The following TBCD variants were observed in gnomAD, a reference collection of about 807,000 sequenced individuals.
TBCD encodes tubulin folding cofactor D.
TBCD carries 105 observed loss-of-function variants against 169.3 expected under a neutral mutation model. The ratio of observed to expected loss-of-function variants is 0.62; its 90% CI spans 0.53 to 0.73. The LOEUF (loss-of-function observed/expected upper bound fraction) is 0.73. Ranked by LOEUF, TBCD falls within the 30% of genes least tolerant of loss-of-function variation. TBCD has a pLI of 0.00. For synonymous variants in TBCD, 700 were observed against 643.9 expected (o/e 1.09, Z -1.32); for missense variants, 1,444 against 1,600.1 (o/e 0.90, Z 1.66).
intron 15 of TBCD, among the ~76,000 whole-genome samples, chr17:82,887,921 T>C (rs1432485724): frequency 6.6e-6 from 1 of 152,226 alleles, no homozygotes; most frequent in Non-Finnish European, 1.5e-5. Flanking sequence ...GGTCTTTTAC[T>C]CATTTCTAAG....
intron 32 of TBCD, 133 bp downstream of exon 32, chr17:82,929,633 T>A: frequency 7.6e-7 from 1 of 1,312,252 alleles, no homozygotes; most frequent in Non-Finnish European, 1.1e-6. Flanking sequence ...CATATTTGGT[T>A]AGGGGGTCAG....
chr17:82,767,016 G>A (rs982767354), intron 4 of TBCD, among the ~76,000 whole-genome samples: 23 of 152,240 alleles, frequency 1.5e-4, no homozygotes, highest in African/African-American at 4.8e-4. Context: ...CCCCCAGCAG[G>A]AAAGCAGGTG....
chr17:82,912,642 G>A (rs2060727311), intron 23 of TBCD, among the ~76,000 whole-genome samples: 1 of 151,472 alleles, frequency 6.6e-6, no homozygotes, highest in Non-Finnish European at 1.5e-5. Context: ...GCAGACTTTT[G>A]CTGAGGTCTG....
intron 14 of TBCD, among the ~76,000 whole-genome samples, chr17:82,870,937 G>C (rs2057513218): frequency 6.6e-6 from 1 of 152,268 alleles, no homozygotes; most frequent in Non-Finnish European, 1.5e-5. Flanking sequence ...GCACTTGAGA[G>C]AATGTTCAGT....
At chr17:82,895,898 T>TG (rs2059442370) in intron 17 of TBCD, 1 of 152,072 alleles carries the variant, frequency 6.6e-6, no homozygotes, top group Non-Finnish European at 1.5e-5. Context: ...ACGAGGAGGA[T>TG]GGGGGGACCA....
At chr17:82,788,163 G>A (rs1469392496) in intron 7 of TBCD, among the ~76,000 whole-genome samples, 4 of 152,154 alleles carry the variant, frequency 2.6e-5, no homozygotes, top group Admixed American at 6.6e-5. Flanking sequence ...GCTTGAACCC[G>A]GGAGGTGGAG....
intron 9 of TBCD, among the ~76,000 whole-genome samples, chr17:82,801,590 C>T (rs551408339): frequency 5.1e-4 from 48 of 94,728 alleles, no homozygotes; most frequent in East Asian, 4.1e-3. Flanking sequence ...GCTCGGTCAG[C>T]GTGGCAGGAG....
rs534470369 is a variant in TBCD at position 82,756,223 on chromosome 17, T to C, written c.235+8T>C. 6 of 1,606,980 alleles carry C rather than the reference T, an allele frequency of 3.7e-6. No homozygotes were observed. Among genetic ancestry groups the C allele is most frequent in the Middle Eastern group, 3.3e-4 (2 of 6,058 alleles). On this transcript the variant is annotated splice_region_variant and intron_variant, in intron 2 of 38. Coordinates refer to ENST00000355528, the MANE Select transcript of TBCD (RefSeq NM_005993.5). Reference sequence around the variant, plus strand: ...TGTTGGACCCGCACCTTGGTAAGAATAGAAGCTGCTGATTTTGATCATTCA... The same window carrying C: ...TGTTGGACCCGCACCTTGGTAAGAACAGAAGCTGCTGATTTTGATCATTCA...
intron 15 of TBCD, among the ~76,000 whole-genome samples, chr17:82,887,158 T>TGTGTGTGTGTGC (rs2058778882): frequency 2.8e-5 from 3 of 108,148 alleles, no homozygotes; most frequent in African/African-American, 1.4e-4. Context: ...TGTGTGTGTG[T>TGTGTGTGTGTGC]GTGTGTGTGT....
intron 13 of TBCD, among the ~76,000 whole-genome samples, 167 bp from the exon 14 acceptor site, chr17:82,870,057 G>A (rs1204899119): frequency 6.6e-6 from 1 of 152,202 alleles, no homozygotes; most frequent in Non-Finnish European, 1.5e-5. Flanking sequence ...TGACCAGGCC[G>A]TGGGTCTAAC....
At chr17:82,856,465 A>G (rs978451317) in intron 13 of TBCD, among the ~76,000 whole-genome samples, 2 of 152,060 alleles carry the variant, frequency 1.3e-5, no homozygotes, top group African/African-American at 2.4e-5. Flanking sequence ...GAAAAAAAAC[A>G]GACGCCCCAA....
chr17:82,871,638 A>G (rs1424446601), intron 14 of TBCD, among the ~76,000 whole-genome samples: 2 of 152,224 alleles, frequency 1.3e-5, no homozygotes. Context: ...CTGGAAGTGC[A>G]CTGCTCCTTT....
chr17:82,927,389 GC>G, intron 29 of TBCD, 66 bp downstream of exon 29: 2 of 1,544,796 alleles, frequency 1.3e-6, no homozygotes, highest in Non-Finnish European at 1.7e-6. Context: ...AAACTCGGAG[GC>G]CCCGGGCTTT....
rs2062090436 is a variant in TBCD at position 82,930,282 on chromosome 17, T to C, written c.2992-240T>C. ...GCCTTTCGTCACGTGCTCTCCCGCA[T>C]GTCCTAAGTGAGGGCTCAGGCTGAG... is the stretch of plus-strand genomic sequence containing the variant. On this transcript the variant is annotated intron_variant, in intron 32 of 38. Coordinates refer to ENST00000355528, the MANE Select transcript of TBCD (RefSeq NM_005993.5). The surrounding 1 kb of genome is among the most constrained non-coding windows in gnomAD (Gnocchi z 5.2). The C allele has an allele frequency of 1.5e-5, 8 of 540,500 alleles. No individual in the cohort carries two copies. Among genetic ancestry groups the C allele is most frequent in the Non-Finnish European group, 2.6e-5 (8 of 307,394 alleles). The allele number at this position is 540,500 out of a possible 1,614,324, so 33.5% of individuals were successfully genotyped here.
At chr17:82,855,892 G>A (rs1199488625) in intron 13 of TBCD, among the ~76,000 whole-genome samples, 1 of 151,332 alleles carries the variant, frequency 6.6e-6, no homozygotes, top group Non-Finnish European at 1.5e-5. Flanking sequence ...TGCAATGCGT[G>A]ACCCTTTGTG....
chr17:82,763,724 G>A (rs1220965861), intron 2 of TBCD, among the ~76,000 whole-genome samples: 1 of 152,002 alleles, frequency 6.6e-6, no homozygotes, highest in African/African-American at 2.4e-5. Flanking sequence ...CTGGGGGACA[G>A]AGCAAGACTC....
chr17:82,781,188 C>T (rs1049745536), intron 6 of TBCD, among the ~76,000 whole-genome samples: 2 of 151,472 alleles, frequency 1.3e-5, no homozygotes, highest in South Asian at 2.1e-4. Flanking sequence ...AGGCCTTGCA[C>T]GTGGGCACGG....
At chr17:82,756,853 G>T (rs963076009) in intron 2 of TBCD, among the ~76,000 whole-genome samples, 1 of 152,148 alleles carries the variant, frequency 6.6e-6, no homozygotes, top group Admixed American at 6.5e-5. Flanking sequence ...TCTGGTAATA[G>T]TCATACAGGG....
At chr17:82,791,397 C>A (rs1288647654) in intron 7 of TBCD, among the ~76,000 whole-genome samples, 2 of 152,194 alleles carry the variant, frequency 1.3e-5, no homozygotes, top group Admixed American at 1.3e-4. Context: ...GGCCATGGAT[C>A]ATTAACCTCT....
Sources: gnomAD v4.1 joint callset for allele counts (sites outside exome capture counted in the v4.1 genomes callset) on GRCh38, gnomAD v4.1.1 for gene constraint, Gnocchi (gnomAD v3.1) non-coding constraint, MANE v1.5 for transcripts, NCBI Gene and HGNC (gene_info 2026-07-23, HGNC 2026-07-21) for gene names.